Variants in FGF6 observed in about 807,000 individuals in gnomAD.
FGF6 encodes the protein fibroblast growth factor 6.
In FGF6, 14 loss-of-function variants were observed where a neutral mutation model predicts 18.4. The observed-to-expected ratio is 0.76, with a 90% CI of 0.50 to 1.19. The LOEUF is 1.19. FGF6 is among the 50% of genes most tolerant of loss of function. The probability of loss-of-function intolerance (pLI) is 0.00; values close to 1 mark genes in which losing one functional copy is unlikely to be tolerated. For synonymous variants in FGF6, 125 were observed against 116.7 expected (o/e 1.07, Z -0.46); for missense variants, 266 against 271.6 (o/e 0.98, Z 0.15).
At chr12:4,434,455 C>G in intron 2 of FGF6, 64 bp from the exon 3 acceptor site, 1 of 1,554,004 alleles carries the variant, frequency 6.4e-7, no homozygotes, top group Non-Finnish European at 8.9e-7. Flanking sequence ...CAGATGCCAG[C>G]TGGGCCGCAG....
At chr12:4,439,322 C>T (rs920201653) in intron 2 of FGF6, among the ~76,000 whole-genome samples, 4 of 152,148 alleles carry the variant, frequency 2.6e-5, no homozygotes, top group South Asian at 2.1e-4. Flanking sequence ...GAGAGTAACC[C>T]GCCCAGTCAG....
In FGF6 at chr12:4,437,647, C is replaced by T. The variant is rs150171384; in HGVS notation, c.451-3256G>A. ...CAACATAGAGTCCAGCAGTAGATCC[C>T]AACACATACATGGATGTAAAATGAA... On this transcript the variant is annotated intron_variant, in intron 2 of 2. Transcript: ENST00000228837. Among the ~76,000 whole-genome samples the T allele has an allele frequency of 1.2e-3, 178 of 152,196 alleles. 1 individual carries two copies. Among genetic ancestry groups the T allele is most frequent in the African/African-American group, 4.0e-3 (168 of 41,514 alleles).
chr12:4,438,572 T>C (rs1865650065), intron 2 of FGF6, among the ~76,000 whole-genome samples: 1 of 151,472 alleles, frequency 6.6e-6, no homozygotes, highest in Admixed American at 6.6e-5. Flanking sequence ...ACCATCCTGG[T>C]CAACATGGTG....
chr12:4,438,652 T>C (rs1865651255), intron 2 of FGF6, among the ~76,000 whole-genome samples: 1 of 142,670 alleles, frequency 7.0e-6, no homozygotes, highest in Admixed American at 7.7e-5. Flanking sequence ...TCCCAGCTAC[T>C]TGGGAGGCTA....
At chr12:4,434,434 G>T (rs765800444) in intron 2 of FGF6, 43 bp from the exon 3 acceptor site, 16 of 1,604,334 alleles carry the variant, frequency 1.0e-5, no homozygotes, top group Non-Finnish European at 1.0e-5. Flanking sequence ...GGTTACAAAT[G>T]AGGAGTGCTG....
Position 4,441,654 on chromosome 12 carries a change from C to T in FGF6, c.450+2479G>A, listed in dbSNP as rs532991593. 2.2e-4 allele frequency among the ~76,000 whole-genome samples: 33 copies of T among 152,290 alleles called. No homozygotes were observed. The East Asian group carries it at 6.0e-3, about 28-fold the overall frequency. ...TTGTTCTCTGCCCACGAGTCGTTGC[C>T]TTGTCCCCCTCACCAACACCTCAGC... On this transcript the variant is annotated intron_variant, in intron 2 of 2. Coordinates refer to ENST00000228837, the MANE Select transcript of FGF6 (RefSeq NM_020996.3).
At chr12:4,443,882 T>C (rs1865722240) in intron 2 of FGF6, among the ~76,000 whole-genome samples, 2 of 152,180 alleles carry the variant, frequency 1.3e-5, no homozygotes, top group East Asian at 3.9e-4. Flanking sequence ...TGAGCTGTGG[T>C]TTCCGTTTAA....
intron 2 of FGF6, among the ~76,000 whole-genome samples, chr12:4,437,159 T>C (rs1480678175): frequency 6.6e-6 from 1 of 150,882 alleles, no homozygotes; most frequent in African/African-American, 2.5e-5. Flanking sequence ...TAAGCATTAA[T>C]TGAAATTATG....
rs1865606514 is a variant in FGF6, at chr12:4,434,520, T to C, written c.451-129A>G. 6 of 795,158 alleles carry C rather than the reference T, an allele frequency of 7.5e-6. 1 individual carries two copies. In the South Asian group the frequency reaches 9.4e-5, roughly 13 times the overall value. 49.3% of individuals were successfully genotyped at this position (795,158 alleles called of 1,614,324 possible). On this transcript the variant is annotated intron_variant, in intron 2 of 2. Coordinates refer to ENST00000228837, the MANE Select transcript of FGF6 (RefSeq NM_020996.3). ...CCTTCTCTTTGTGAGACAACCACCG[T>C]GAGGTCTGAGCATCCTGGGTGAACA...
intron 2 of FGF6, among the ~76,000 whole-genome samples, chr12:4,443,898 C>T (rs539747989): frequency 6.6e-5 from 10 of 152,118 alleles, no homozygotes; most frequent in South Asian, 2.1e-4. Flanking sequence ...TTTAAGCACA[C>T]GGGCTCCGGC....
intron 2 of FGF6, among the ~76,000 whole-genome samples, chr12:4,437,914 A>G (rs560521671): frequency 6.6e-6 from 1 of 152,284 alleles, no homozygotes; most frequent in South Asian, 2.1e-4. Context: ...CTTTCTAATC[A>G]GGACAAAAAA....
At position 4,444,318 on chromosome 12, in the gene FGF6, C is replaced by T. The variant is rs188476812; in HGVS notation, c.347-82G>A. On this transcript the variant is annotated intron_variant, in intron 1 of 2. Coordinates refer to ENST00000228837, the MANE Select transcript of FGF6 (RefSeq NM_020996.3). ...TTGAGCCGACAAGGGCATCTCAGTC[C>T]ATCCCCCTTCTCCTAGAAAGCCAGA... 4.9e-5 allele frequency: 42 copies of T among 863,730 alleles called. No homozygotes were observed. The East Asian group carries it at 1.0e-3, about 21-fold the overall frequency. 53.5% of individuals were successfully genotyped at this position (863,730 alleles called of 1,614,324 possible).
chr12:4,442,251 C>T (rs1865700856), intron 2 of FGF6, among the ~76,000 whole-genome samples: 1 of 152,110 alleles, frequency 6.6e-6, no homozygotes, highest in African/African-American at 2.4e-5. Flanking sequence ...GGGTTTCAGG[C>T]ATTAGGAGTC....
At position 4,445,351 on chromosome 12, in the gene FGF6, A is replaced by G; in HGVS notation, c.220T>C (p.Trp74Arg). The G allele has an allele frequency of 6.2e-7, 1 of 1,614,006 alleles. No homozygotes were observed. Among genetic ancestry groups the G allele is most frequent in the South Asian group, 1.1e-5 (1 of 91,078 alleles). The part of the protein sequence containing the change: ...GLAGEIAGVN[W>R]ESGYLVGIKR... ...ATCCCCACCAAATAGCCACTTTCCC[A>G]GTTCACCCCGGCAATCTCTCCAGCT... Residue 74 changes from tryptophan to arginine, a missense_variant, in exon 1 of 3, where the codon TGG becomes CGG. Trp to Arg is a moderately radical substitution (Grantham distance 101, BLOSUM62 -3). Transcript: ENST00000228837. The surrounding 1 kb of genome is among the most constrained non-coding windows in gnomAD (Gnocchi z 5.5).
At chr12:4,439,556 A>T (rs1331662601) in intron 2 of FGF6, among the ~76,000 whole-genome samples, 1 of 152,058 alleles carries the variant, frequency 6.6e-6, no homozygotes, top group Non-Finnish European at 1.5e-5. Context: ...CTCCTAAAAC[A>T]TGATTGTTTA....
chr12:4,434,326 C>A lies in FGF6; in HGVS notation c.516G>T (p.Glu172Asp). The change falls in exon 3 of 3, where the codon GAG becomes GAT. Residue 172 changes from glutamate to aspartate, a missense_variant. By Grantham distance (45) the Glu-to-Asp change is conservative. Coordinates refer to ENST00000228837, the MANE Select transcript of FGF6 (RefSeq NM_020996.3). Reference protein sequence around the residue: ...TLLPNNYNAYESDLYQGTYIA... With the variant: ...TLLPNNYNAYDSDLYQGTYIA... ...TGTAGGTCCCTTGGTACAAGTCTGA[C>A]TCGTAGGCATTGTAATTGTTGGGCA... is the stretch of plus-strand genomic sequence containing the variant. 6.2e-7 allele frequency: 1 copy of A among 1,614,162 alleles called. No individual in the cohort carries two copies. The highest frequency in any genetic ancestry group is 8.5e-7 in the Non-Finnish European group (1 of 1,180,024).
rs1316621469 is a variant in FGF6, at chr12:4,445,621, G to A, written c.-51C>T. 6.4e-6 allele frequency: 9 copies of A among 1,413,452 alleles called. No homozygotes were observed. The highest frequency in any genetic ancestry group is 1.4e-5 in the South Asian group (1 of 73,348). The allele number at this position is 1,413,452 out of a possible 1,614,324, so 87.6% of individuals were successfully genotyped here. On this transcript the variant is annotated 5_prime_UTR_variant, in exon 1 of 3. Transcript: ENST00000228837. This position sits in a 1 kb window ranked among gnomAD's most constrained non-coding sequence, Gnocchi z 5.5. Reference sequence around the variant, plus strand: ...CAGAATTAATGGCCCTAAAAATACCGCCCTTCTTGTTTTTCTCCCTCCGGC... The same window carrying A: ...CAGAATTAATGGCCCTAAAAATACCACCCTTCTTGTTTTTCTCCCTCCGGC...
intron 2 of FGF6, among the ~76,000 whole-genome samples, chr12:4,437,839 T>TAA (rs894249738): frequency 6.8e-6 from 1 of 146,326 alleles, no homozygotes; most frequent in Non-Finnish European, 1.5e-5. Context: ...GATTCAAATG[T>TAA]AAAAAAAAAA....
In FGF6 at chr12:4,445,321, G is replaced by T. The variant is rs373061794; in HGVS notation, c.250C>A (p.Arg84=). The T allele has an allele frequency of 1.2e-6, 2 of 1,613,974 alleles. No individual in the cohort carries two copies. Among genetic ancestry groups the T allele is most frequent in the Non-Finnish European group, 1.7e-6 (2 of 1,179,998 alleles). ...ACGTTGCAGTAGAGCCTCCGCTGCC[G>T]CTTGATCCCCACCAAATAGCCACTT... The part of the protein sequence containing the change: ...WESGYLVGIK[R]QRRLYCNVGI... The change falls in exon 1 of 3, where the codon CGG becomes AGG. Residue 84 remains arginine (R), a synonymous_variant. Coordinates refer to ENST00000228837, the MANE Select transcript of FGF6 (RefSeq NM_020996.3). This position sits in a 1 kb window ranked among gnomAD's most constrained non-coding sequence, Gnocchi z 5.5.
Sources: allele counts gnomAD v4.1 joint callset (sites outside exome capture counted in the v4.1 genomes callset), GRCh38; gene constraint gnomAD v4.1.1; non-coding constraint Gnocchi (gnomAD v3.1); transcripts MANE v1.5; gene names NCBI Gene and HGNC (gene_info 2026-07-23, HGNC 2026-07-21).